RPH3A: variants seen among roughly 807,000 people sequenced by gnomAD.
The protein encoded by RPH3A is rabphilin-3A.
A neutral mutation model predicts 102.2 loss-of-function variants in RPH3A; 48 were observed. The ratio of observed to expected loss-of-function variants is 0.47; its 90% confidence interval spans 0.37 to 0.60. RPH3A has a LOEUF of 0.60. RPH3A is among the 20% of genes least tolerant of loss of function. RPH3A has a pLI of 0.00. For missense variants in RPH3A, 781 were observed against 910.1 expected, an observed-to-expected ratio of 0.86 and a Z score of 1.83; for synonymous variants, 310 against 324.3, an observed-to-expected ratio of 0.96 and a Z score of 0.47.
intron 1 of RPH3A, among the ~76,000 whole-genome samples, chr12:112,715,355 C>G (rs1354188271): frequency 6.6e-6 from 1 of 152,116 alleles, no homozygotes; most frequent in African/African-American, 2.4e-5. Flanking sequence ...ATATTTTCCT[C>G]AAGGTACTTA....
At chr12:112,597,793 C>T (rs1251312990) in intron 1 of RPH3A, among the ~76,000 whole-genome samples, 2 of 152,058 alleles carry the variant, frequency 1.3e-5, no homozygotes, top group South Asian at 2.1e-4. Context: ...ATAGAAGTCT[C>T]ATAGTCTCTA....
intron 1 of RPH3A, among the ~76,000 whole-genome samples, chr12:112,689,334 C>A (rs954424019): frequency 6.6e-6 from 1 of 152,136 alleles, no homozygotes; most frequent in Non-Finnish European, 1.5e-5. Flanking sequence ...CAGAGAACTG[C>A]CATATCTTCA....
At chr12:112,843,153 C>T (rs1230336801) in intron 4 of RPH3A, among the ~76,000 whole-genome samples, 1 of 152,210 alleles carries the variant, frequency 6.6e-6, no homozygotes, top group East Asian at 1.9e-4. Context: ...TGGCAAGGGT[C>T]TTATCCCAAG....
chr12:112,882,571 G>T (rs969397177), intron 15 of RPH3A, among the ~76,000 whole-genome samples: 1 of 152,116 alleles, frequency 6.6e-6, no homozygotes, highest in Admixed American at 6.5e-5. Flanking sequence ...TGTACACACC[G>T]CCCTCCACCC....
intron 16 of RPH3A, among the ~76,000 whole-genome samples, chr12:112,887,069 G>A (rs2043013279): frequency 6.6e-6 from 1 of 152,184 alleles, no homozygotes; most frequent in Non-Finnish European, 1.5e-5. Context: ...CATAATTGGT[G>A]GAACTGCCTT....
chr12:112,836,524 T>G (rs2042053952), intron 4 of RPH3A, 22 bp downstream of exon 4: 2 of 1,215,420 alleles, frequency 1.6e-6, no homozygotes, highest in South Asian at 1.5e-5. Context: ...ATAACACTTA[T>G]TTATTTATTT....
chr12:112,775,376 T>C (rs1385307506), intron 1 of RPH3A, among the ~76,000 whole-genome samples: 1 of 152,166 alleles, frequency 6.6e-6, no homozygotes, highest in Non-Finnish European at 1.5e-5. Context: ...GCATGTACCA[T>C]GTGCCAGGCA....
intron 1 of RPH3A, among the ~76,000 whole-genome samples, chr12:112,668,425 T>C (rs1444542895): frequency 6.6e-6 from 1 of 152,112 alleles, no homozygotes; most frequent in East Asian, 1.9e-4. Flanking sequence ...ATGGCATCAA[T>C]GATAAACTGG....
chr12:112,610,879 A>G (rs1324709394), intron 1 of RPH3A, among the ~76,000 whole-genome samples: 1 of 152,082 alleles, frequency 6.6e-6, no homozygotes, highest in Non-Finnish European at 1.5e-5. Flanking sequence ...CTTGTGATCC[A>G]CCCACCTTGG....
chr12:112,702,140 T>C lies in RPH3A; in HGVS notation c.-139-90003T>C, dbSNP rs574088954. Among the ~76,000 whole-genome samples, 3 of 152,322 alleles carry C rather than the reference T, an allele frequency of 2.0e-5. No individual in the cohort carries two copies. In the South Asian group the frequency reaches 6.2e-4, roughly 32 times the overall value. On this transcript the variant is annotated intron_variant, in intron 1 of 21. Transcript: ENST00000543106. ...TCAGATGCAGATAAGCTGGCTCAGT[T>C]TCAGTGTTATTTTGTATTTGTTTCC...
intron 1 of RPH3A, among the ~76,000 whole-genome samples, chr12:112,612,398 T>C (rs1289692412): frequency 6.6e-6 from 1 of 151,986 alleles, no homozygotes; most frequent in Non-Finnish European, 1.5e-5. Flanking sequence ...AAACTTGCAA[T>C]GGTTTTTCCT....
intron 1 of RPH3A, among the ~76,000 whole-genome samples, chr12:112,736,904 C>T (rs1253160819): frequency 1.3e-5 from 2 of 152,050 alleles, no homozygotes; most frequent in African/African-American, 4.8e-5. Context: ...CCTGTAATCC[C>T]AGCACTTTGG....
intron 2 of RPH3A, among the ~76,000 whole-genome samples, chr12:112,817,038 C>G (rs1016434158): frequency 6.6e-6 from 1 of 152,084 alleles, no homozygotes; most frequent in Non-Finnish European, 1.5e-5. Context: ...TAAACTTGCC[C>G]AAGGTGACCT....
intron 4 of RPH3A, among the ~76,000 whole-genome samples, chr12:112,847,308 A>AT (rs2042246844): frequency 6.6e-6 from 1 of 152,182 alleles, no homozygotes; most frequent in Non-Finnish European, 1.5e-5. Flanking sequence ...TTAAAAAGCT[A>AT]TGTGGCCCCC....
intron 1 of RPH3A, among the ~76,000 whole-genome samples, chr12:112,576,909 C>CTTTTTTTTTTT (rs3036138): frequency 1.1e-4 from 13 of 114,604 alleles, no homozygotes; most frequent in African/African-American, 3.9e-4. Context: ...TCTTTTCTTC[C>CTTTTTTTTTTT]TTTTTTTTTT....
intron 1 of RPH3A, among the ~76,000 whole-genome samples, chr12:112,739,810 G>A (rs927545661): frequency 5.3e-5 from 8 of 152,214 alleles, no homozygotes; most frequent in Admixed American, 1.3e-4. Context: ...GGAGAAGGCA[G>A]AAGGAAGGAA....
intron 1 of RPH3A, among the ~76,000 whole-genome samples, chr12:112,713,009 TC>T (rs1565857149): frequency 2.1e-4 from 16 of 74,938 alleles, no homozygotes; most frequent in African/African-American, 9.5e-4. Context: ...CTCTTCCTCT[TC>T]CTCTTCCTCT....
intron 7 of RPH3A, 56 bp downstream of exon 7, chr12:112,866,896 A>G (rs2042620763): frequency 1.4e-6 from 2 of 1,391,312 alleles, no homozygotes; most frequent in Non-Finnish European, 2.0e-6. Flanking sequence ...TGGCCAGCTT[A>G]AGAGGTGCCT....
At chr12:112,828,592 C>G (rs1388289007) in intron 3 of RPH3A, among the ~76,000 whole-genome samples, 1 of 152,216 alleles carries the variant, frequency 6.6e-6, no homozygotes, top group African/African-American at 2.4e-5. Context: ...GAGTTTCATG[C>G]TCCATAGAAT....
Sources: gnomAD v4.1 joint callset for allele counts (sites outside exome capture counted in the v4.1 genomes callset) on GRCh38, gnomAD v4.1.1 for gene constraint, MANE v1.5 for transcripts, NCBI Gene and HGNC (gene_info 2026-07-23, HGNC 2026-07-21) for gene names.